CELF2: variants seen among roughly 807,000 people sequenced by gnomAD.
CELF2 encodes the protein CUG triplet repeat RNA-binding protein 2.
A neutral mutation model predicts 62.6 loss-of-function variants in CELF2; 8 were observed. That is an observed-to-expected ratio of 0.13 (90% CI 0.07 to 0.23). The LOEUF (loss-of-function observed/expected upper bound fraction) is 0.23, where lower values mean the gene tolerates loss of function less well. CELF2 is among the 10% of genes least tolerant of loss of function. The probability of loss-of-function intolerance (pLI) is 1.00; values close to 1 mark genes in which losing one functional copy is unlikely to be tolerated. For synonymous variants in CELF2, 258 were observed against 250.0 expected (o/e 1.03, Z -0.30); for missense variants, 333 against 671.0 (o/e 0.50, Z 5.56).
In CELF2 at chr10:11,290,567, G is replaced by A. The variant is rs953153444; in HGVS notation, c.976+2015G>A. On this transcript the variant is annotated intron_variant, in intron 9 of 12. Coordinates refer to ENST00000633077, the MANE Select transcript of CELF2 (RefSeq NM_001326342.2). This position sits in a 1 kb window ranked among gnomAD's most constrained non-coding sequence, Gnocchi z 4.3. ...GTGGGCCACTCAGACGGTCTAGGGCGACGGCCTAGGTGTTAGTCGGAAAGG... is the reference window on the plus strand; with the variant it reads ...GTGGGCCACTCAGACGGTCTAGGGCAACGGCCTAGGTGTTAGTCGGAAAGG... Among the ~76,000 whole-genome samples, 10 of 151,784 alleles carry A rather than the reference G, an allele frequency of 6.6e-5. No individual in the cohort carries two copies. The highest frequency in any genetic ancestry group is 6.6e-5 in the Admixed American group (1 of 15,258).
In CELF2 at chr10:11,311,312, A is replaced by T. The variant is rs2094549133; in HGVS notation, c.977-2827A>T. On this transcript the variant is annotated intron_variant, in intron 9 of 12. Transcript: ENST00000633077. The surrounding 1 kb of genome is among the most constrained non-coding windows in gnomAD (Gnocchi z 4.7). ...AAATCCTAAGCCATGAAGTTAAAGT[A>T]TCCCCAGCTTGTAGTTTCCTCCAGC... 6.6e-6 allele frequency among the ~76,000 whole-genome samples: 1 copy of T among 152,242 alleles called. No homozygotes were observed. Among genetic ancestry groups the T allele is most frequent in the Non-Finnish European group, 1.5e-5 (1 of 68,044 alleles).
upstream of CELF2, among the ~76,000 whole-genome samples, chr10:11,004,414 TGC>T (rs998904748): frequency 8.5e-4 from 119 of 139,712 alleles, 2 homozygotes; most frequent in Non-Finnish European, 1.5e-3. The surrounding 1 kb of genome is among the most constrained non-coding windows in gnomAD (Gnocchi z 5.0). Flanking sequence ...TGTGTGTGTG[TGC>T]GCGCGCGTGT....
intron 1 of CELF2, among the ~76,000 whole-genome samples, chr10:11,027,878 G>A (rs1353116840): frequency 1.3e-5 from 2 of 152,164 alleles, no homozygotes; most frequent in South Asian, 2.1e-4. Flanking sequence ...CAGTATTACC[G>A]TCAGACTAAT....
At chr10:11,004,892 A>G (rs992957216), upstream of CELF2, among the ~76,000 whole-genome samples, 1 of 152,186 alleles carries the variant, frequency 6.6e-6, no homozygotes, top group African/African-American at 2.4e-5. The surrounding 1 kb of genome is among the most constrained non-coding windows in gnomAD (Gnocchi z 5.0). Context: ...TTTTTAGCAC[A>G]CTGACCCATC....
chr10:11,162,218 A>T (rs949662038), intron 1 of CELF2, among the ~76,000 whole-genome samples: 1 of 148,956 alleles, frequency 6.7e-6, no homozygotes, highest in Non-Finnish European at 1.5e-5. Flanking sequence ...AGAGTGGTCG[A>T]TGGGACAGGA....
the CELF2 span, among the ~76,000 whole-genome samples, chr10:10,727,971 A>G: frequency 1.3e-5 from 2 of 152,214 alleles, no homozygotes; most frequent in Non-Finnish European, 2.9e-5. Flanking sequence ...CGTGTTGCTT[A>G]CAGAAGAGTG....
chr10:11,080,724 C>T (rs770549363), intron 1 of CELF2, among the ~76,000 whole-genome samples: 2 of 152,230 alleles, frequency 1.3e-5, no homozygotes, highest in Non-Finnish European at 2.9e-5. Flanking sequence ...TAATTTAAGA[C>T]TTCTGTGATA....
the CELF2 span, among the ~76,000 whole-genome samples, chr10:10,792,699 G>T: frequency 6.6e-6 from 1 of 152,178 alleles, no homozygotes; most frequent in Non-Finnish European, 1.5e-5. Flanking sequence ...GTGGGTGTGA[G>T]CCCTGTGTGC....
chr10:10,542,980 A>G, the CELF2 span, among the ~76,000 whole-genome samples: 1 of 152,166 alleles, frequency 6.6e-6, no homozygotes, highest in Non-Finnish European at 1.5e-5. Context: ...CAGGCAGAAG[A>G]GTCCTTTGGA....
At chr10:10,817,037 G>T (rs1199519949) in intron 1 of CELF2, among the ~76,000 whole-genome samples, 1 of 152,220 alleles carries the variant, frequency 6.6e-6, no homozygotes, top group Non-Finnish European at 1.5e-5. Context: ...GAGCCTGGAA[G>T]TTTCCAGATG....
chr10:10,613,052 C>T, the CELF2 span, among the ~76,000 whole-genome samples: 55 of 152,282 alleles, frequency 3.6e-4, no homozygotes, highest in Admixed American at 3.3e-3. Context: ...AAGAAACGCT[C>T]AACAGACACC....
intron 8 of CELF2, among the ~76,000 whole-genome samples, chr10:11,282,824 G>A (rs1388797525): frequency 1.3e-5 from 2 of 152,256 alleles, no homozygotes; most frequent in Admixed American, 6.5e-5. Context: ...ACCAGCCTGC[G>A]CTGCCTTCGG....
chr10:10,898,256 ACCTAATTTATGTGAATTATAT>A (rs763638882), intron 1 of CELF2, among the ~76,000 whole-genome samples: 137 of 152,270 alleles, frequency 9.0e-4, no homozygotes, highest in Non-Finnish European at 1.6e-3. Context: ...GTCTCACCAA[ACCTAATTTATGTGAATTATAT>A]GATGCTATTT....
chr10:11,072,166 G>A (rs11597814), intron 1 of CELF2, among the ~76,000 whole-genome samples: 31,008 of 152,000 alleles, frequency 0.2, 3,288 homozygotes, highest in Middle Eastern at 0.29. Context: ...TTTTCTTTAG[G>A]ATCAAAGTCC....
chr10:11,256,213 C>T (rs1331924682), intron 4 of CELF2, among the ~76,000 whole-genome samples: 1 of 152,188 alleles, frequency 6.6e-6, no homozygotes, highest in Non-Finnish European at 1.5e-5. Flanking sequence ...TCAATCACAC[C>T]AGTCCCTTTA....
chr10:11,102,589 A>C (rs1445690943), intron 1 of CELF2, among the ~76,000 whole-genome samples: 3 of 152,120 alleles, frequency 2.0e-5, no homozygotes, highest in African/African-American at 4.8e-5. Flanking sequence ...TTCTCCTCCC[A>C]CTACCAAGTT....
chr10:11,248,369 C>G (rs1280699575), intron 3 of CELF2, among the ~76,000 whole-genome samples: 1 of 152,178 alleles, frequency 6.6e-6, no homozygotes, highest in Non-Finnish European at 1.5e-5. Flanking sequence ...GTGTCTAGTC[C>G]TTTCTACTCC....
the CELF2 span, among the ~76,000 whole-genome samples, chr10:10,699,069 C>CAT: frequency 0.017 from 2,636 of 151,954 alleles, 40 homozygotes; most frequent in African/African-American, 0.042. Context: ...ATTTATATAA[C>CAT]ATATATTTGA....
At chr10:11,050,562 C>T (rs1003077373) in intron 1 of CELF2, among the ~76,000 whole-genome samples, 1 of 152,328 alleles carries the variant, frequency 6.6e-6, no homozygotes, top group African/African-American at 2.4e-5. Context: ...TTCATAGCTA[C>T]GTGCAGACAC....
Sources: allele counts gnomAD v4.1 joint callset (sites outside exome capture counted in the v4.1 genomes callset), GRCh38; gene constraint gnomAD v4.1.1; non-coding constraint Gnocchi (gnomAD v3.1); transcripts MANE v1.5; gene names NCBI Gene and HGNC (gene_info 2026-07-23, HGNC 2026-07-21).